The following GAS7 variants were observed in gnomAD, a reference collection of about 807,000 sequenced individuals.
GAS7 encodes growth arrest-specific protein 7.
A neutral mutation model predicts 71.1 loss-of-function variants in GAS7; 28 were observed. The observed-to-expected ratio is 0.39, with a 90% CI of 0.29 to 0.54. GAS7 has a LOEUF of 0.54. Ranked by LOEUF, GAS7 falls within the 20% of genes least tolerant of loss-of-function variation. The probability of loss-of-function intolerance (pLI) is 0.62; values close to 1 mark genes in which losing one functional copy is unlikely to be tolerated. For missense variants in GAS7, 436 were observed against 627.8 expected (o/e 0.69, Z 3.27); for synonymous variants, 258 against 245.8 (o/e 1.05, Z -0.46).
chr17:10,180,156 C>T (rs1311545989), intron 1 of GAS7, among the ~76,000 whole-genome samples: 5 of 152,060 alleles, frequency 3.3e-5, no homozygotes, highest in Middle Eastern at 3.4e-3. Flanking sequence ...GACTGGCCAA[C>T]GTGAGGAAAC....
chr17:10,086,304 G>A (rs778718483), intron 1 of GAS7, among the ~76,000 whole-genome samples: 21 of 152,156 alleles, frequency 1.4e-4, no homozygotes, highest in African/African-American at 4.8e-4. Flanking sequence ...CAGGAGTCCC[G>A]TCCACAGTCA....
intron 1 of GAS7, among the ~76,000 whole-genome samples, chr17:10,192,782 G>A (rs2074512042): frequency 6.6e-6 from 1 of 152,102 alleles, no homozygotes; most frequent in Admixed American, 6.6e-5. Context: ...CAGAGTGGTG[G>A]GCCAAAGGTC....
At chr17:10,003,790 G>C (rs1454548947) in intron 2 of GAS7, among the ~76,000 whole-genome samples, 2 of 152,204 alleles carry the variant, frequency 1.3e-5, no homozygotes, top group South Asian at 2.1e-4. Context: ...ACTGGGCACA[G>C]TGCTCACAGG....
chr17:9,998,186 T>C (rs1485621429), intron 2 of GAS7, among the ~76,000 whole-genome samples: 1 of 152,204 alleles, frequency 6.6e-6, no homozygotes, highest in African/African-American at 2.4e-5. Flanking sequence ...CATCATCTCA[T>C]TAGCAAACAA....
In GAS7 at chr17:10,046,770, G is replaced by GAGAA. The variant is rs796808250; in HGVS notation, c.184-26877_184-26874dup. Among the ~76,000 whole-genome samples, 15 of 61,802 alleles carry GAGAA rather than the reference G, an allele frequency of 2.4e-4. 1 individual carries two copies. The highest frequency in any genetic ancestry group is 0.01 in the Middle Eastern group (1 of 100). The allele number at this position is 61,802 out of a possible 152,430, so 40.5% of individuals were successfully genotyped here. On this transcript the variant is annotated intron_variant, in intron 1 of 13. Transcript: ENST00000432992. Reference sequence around the variant, plus strand: ...AAAAGAAAAGAAAAGAAAGAAAGAAGAGAAAGAAAGAAAGAAAGGAAGGAA... The same window carrying GAGAA: ...AAAAGAAAAGAAAAGAAAGAAAGAAGAGAAAGAAAGAAAGAAAGAAAGGAAGGAA...
chr17:10,103,893 C>T lies in GAS7; in HGVS notation c.184-83996G>A, dbSNP rs1245255905. Among the ~76,000 whole-genome samples, 1 of 151,782 alleles carries T rather than the reference C, an allele frequency of 6.6e-6. No homozygotes were observed. Among genetic ancestry groups the T allele is most frequent in the East Asian group, 1.9e-4 (1 of 5,182 alleles). ...CCCATAGTAGCTGCTCATCAACCCA[C>T]AGCCCAAATTCATCCTATCCTACCC... On this transcript the variant is annotated intron_variant, in intron 1 of 13. Coordinates refer to ENST00000432992, the MANE Select transcript of GAS7 (RefSeq NM_201433.2). The surrounding 1 kb of genome is among the most constrained non-coding windows in gnomAD (Gnocchi z 5.5).
chr17:10,134,918 C>T (rs764214881), intron 1 of GAS7, among the ~76,000 whole-genome samples: 7 of 151,906 alleles, frequency 4.6e-5, no homozygotes, highest in South Asian at 2.1e-4. Context: ...CTGTCACCTC[C>T]GGCTCCCAAG....
intron 8 of GAS7, among the ~76,000 whole-genome samples, chr17:9,939,573 C>T (rs569105291): frequency 6.6e-6 from 1 of 151,746 alleles, no homozygotes; most frequent in Non-Finnish European, 1.5e-5. Flanking sequence ...ACATCTGGAA[C>T]GTGGCTCTTG....
intron 1 of GAS7, among the ~76,000 whole-genome samples, chr17:10,067,944 C>T (rs957307441): frequency 2.6e-5 from 4 of 152,184 alleles, no homozygotes; most frequent in East Asian, 1.9e-4. Flanking sequence ...GTCACTGTTA[C>T]GTTTTGTAAA....
intron 5 of GAS7, among the ~76,000 whole-genome samples, chr17:9,952,377 G>A (rs886165136): frequency 1.3e-5 from 2 of 152,062 alleles, no homozygotes; most frequent in African/African-American, 2.4e-5. Flanking sequence ...GTGGGCAAAG[G>A]ACATGAACAG....
rs145454710 is a variant in GAS7 at position 9,925,494 on chromosome 17, T to G, written c.1120A>C (p.Arg374=). ...CACTTACCAGCCTGTGTGGACTTTC[T>G]CCGCGCCTTCTTGATGTCCTCCTCT... ...KTEEDIKKAR[R]KSTQAGDDLM... Residue 374 remains arginine (R), a synonymous_variant, in exon 11 of 14, where the codon AGA becomes CGA. Coordinates refer to ENST00000432992, the MANE Select transcript of GAS7 (RefSeq NM_201433.2). 13 of 1,614,068 alleles carry G rather than the reference T, an allele frequency of 8.1e-6. No individual in the cohort carries two copies. The African/African-American group carries it at 1.7e-4, about 22-fold the overall frequency.
chr17:9,983,132 T>C (rs2874241), intron 2 of GAS7, among the ~76,000 whole-genome samples: 118,329 of 144,164 alleles, frequency 0.82, 46,273 homozygotes, highest in East Asian at 0.94. Context: ...AGCATATGTT[T>C]CTCTTTAAAA....
At chr17:9,983,077 C>A (rs2070496505) in intron 2 of GAS7, among the ~76,000 whole-genome samples, 1 of 151,782 alleles carries the variant, frequency 6.6e-6, no homozygotes, top group African/African-American at 2.4e-5. Context: ...ATTCAGAGGT[C>A]ATCACCATCA....
chr17:10,032,181 C>T (rs1221461999), intron 1 of GAS7, among the ~76,000 whole-genome samples: 1 of 151,262 alleles, frequency 6.6e-6, no homozygotes, highest in African/African-American at 2.4e-5. Flanking sequence ...TGTTTCAGCA[C>T]AATTAAAAAT....
chr17:10,153,261 G>C (rs2142109963), intron 1 of GAS7, among the ~76,000 whole-genome samples: 1 of 149,312 alleles, frequency 6.7e-6, no homozygotes. Context: ...CAGCACTTTG[G>C]GAGCCCGAGG....
intron 5 of GAS7, among the ~76,000 whole-genome samples, chr17:9,957,015 G>A (rs1342897187): frequency 1.3e-5 from 2 of 152,186 alleles, no homozygotes; most frequent in African/African-American, 2.4e-5. Context: ...GTGGTACACC[G>A]GGAAGTGTCC....
intron 1 of GAS7, among the ~76,000 whole-genome samples, chr17:10,176,575 A>C (rs1039059124): frequency 1.3e-5 from 2 of 152,184 alleles, no homozygotes; most frequent in African/African-American, 4.8e-5. Context: ...TGAACATTGC[A>C]AGGCCAAAGA....
At chr17:9,941,965 A>G (rs1016849486) in intron 7 of GAS7, among the ~76,000 whole-genome samples, 1 of 152,140 alleles carries the variant, frequency 6.6e-6, no homozygotes, top group African/African-American at 2.4e-5. Flanking sequence ...AAAAGGAAAT[A>G]TTTTTGGTCT....
At chr17:10,182,766 A>G (rs2074425912) in intron 1 of GAS7, among the ~76,000 whole-genome samples, 1 of 152,210 alleles carries the variant, frequency 6.6e-6, no homozygotes, top group Non-Finnish European at 1.5e-5. Context: ...CGGGCCCAGG[A>G]TTAGATTCTG....
Sources: allele counts gnomAD v4.1 joint callset (sites outside exome capture counted in the v4.1 genomes callset), GRCh38; gene constraint gnomAD v4.1.1; non-coding constraint Gnocchi (gnomAD v3.1); transcripts MANE v1.5; gene names NCBI Gene and HGNC (gene_info 2026-07-23, HGNC 2026-07-21).